The following KHDRBS2 variants were observed in gnomAD, a reference collection of about 807,000 sequenced individuals.
KHDRBS2 encodes KH domain-containing, RNA-binding, signal transduction-associated protein 2.
In KHDRBS2, 26 loss-of-function variants were observed where a neutral mutation model predicts 44.3. The ratio of observed to expected loss-of-function variants is 0.59; its 90% CI spans 0.43 to 0.81. KHDRBS2 has a LOEUF of 0.81. KHDRBS2 is among the 40% of genes least tolerant of loss of function. The pLI, the probability that KHDRBS2 is intolerant of heterozygous loss-of-function variation, is 0.00. For synonymous variants in KHDRBS2, 194 were observed against 151.1 expected, an observed-to-expected ratio of 1.28 and a Z score of -2.08; for missense variants, 476 against 433.1, an observed-to-expected ratio of 1.10 and a Z score of -0.88.
intron 6 of KHDRBS2, among the ~76,000 whole-genome samples, chr6:61,829,864 G>C (rs1307812153): frequency 2.0e-5 from 3 of 152,132 alleles, no homozygotes; most frequent in Non-Finnish European, 1.5e-5. Flanking sequence ...AACAAAAGGT[G>C]TCATGGCCAG....
At chr6:61,862,353 A>T (rs1797111383) in intron 6 of KHDRBS2, among the ~76,000 whole-genome samples, 1 of 152,030 alleles carries the variant, frequency 6.6e-6, no homozygotes, top group South Asian at 2.1e-4. Context: ...TTCCAATACT[A>T]TGTAGAATAG....
intron 2 of KHDRBS2, among the ~76,000 whole-genome samples, chr6:62,116,238 T>A (rs1806190148): frequency 6.6e-6 from 1 of 152,154 alleles, no homozygotes; most frequent in African/African-American, 2.4e-5. Context: ...AATTTTGAAA[T>A]ATAAAATACA....
chr6:61,566,324 A>G, the KHDRBS2 span, among the ~76,000 whole-genome samples: 2 of 152,190 alleles, frequency 1.3e-5, no homozygotes, highest in African/African-American at 2.4e-5. Context: ...AGTGTTCTGT[A>G]GCACAATAGG....
chr6:61,927,275 C>CA (rs1204595790), intron 4 of KHDRBS2, among the ~76,000 whole-genome samples: 5 of 151,694 alleles, frequency 3.3e-5, no homozygotes, highest in Non-Finnish European at 5.9e-5. Flanking sequence ...GATTTATTTT[C>CA]AAAAAACATA....
At chr6:61,547,502 T>A in the KHDRBS2 span, among the ~76,000 whole-genome samples, 1 of 152,162 alleles carries the variant, frequency 6.6e-6, no homozygotes, top group Non-Finnish European at 1.5e-5. Flanking sequence ...AATCACTTTA[T>A]ATACTAGTAC....
chr6:61,708,022 G>A (rs1304724350), intron 7 of KHDRBS2, among the ~76,000 whole-genome samples: 1 of 151,580 alleles, frequency 6.6e-6, no homozygotes, highest in African/African-American at 2.4e-5. Flanking sequence ...AGCATTTGGT[G>A]CACATATTTT....
chr6:61,963,752 C>T (rs1429948997), intron 4 of KHDRBS2, among the ~76,000 whole-genome samples: 1 of 152,046 alleles, frequency 6.6e-6, no homozygotes, highest in Non-Finnish European at 1.5e-5. Context: ...AGGGTTTCTC[C>T]TCATCCCTCA....
At chr6:61,945,155 A>ACACACACG (rs1813103852) in intron 4 of KHDRBS2, among the ~76,000 whole-genome samples, 1 of 131,384 alleles carries the variant, frequency 7.6e-6, no homozygotes, top group African/African-American at 2.8e-5. Context: ...ATATATACAC[A>ACACACACG]CAGACTTGTC....
At position 61,891,967 on chromosome 6, in the gene KHDRBS2, G is replaced by A. The variant is rs1304000049; in HGVS notation, c.810+2668C>T. On this transcript the variant is annotated intron_variant, in intron 6 of 8. Coordinates refer to ENST00000281156, the MANE Select transcript of KHDRBS2 (RefSeq NM_152688.4). ...GAAAAAAGGAAGTCAAATTGTCCCT[G>A]TTTGCAGATGACATGATTGTATATC... Among the ~76,000 whole-genome samples the A allele has an allele frequency of 1.3e-4, 20 of 152,270 alleles. 1 individual carries two copies. Among genetic ancestry groups the A allele is most frequent in the African/African-American group, 4.8e-4 (20 of 41,562 alleles).
chr6:61,661,005 G>T, the KHDRBS2 span, among the ~76,000 whole-genome samples: 2 of 151,692 alleles, frequency 1.3e-5, no homozygotes, highest in African/African-American at 4.8e-5. Context: ...TTGTAATACA[G>T]GAATTTATAA....
chr6:61,596,615 C>A, the KHDRBS2 span, among the ~76,000 whole-genome samples: 1 of 152,152 alleles, frequency 6.6e-6, no homozygotes, highest in South Asian at 2.1e-4. Context: ...GTTAACTAGG[C>A]AACCCTACAT....
chr6:61,601,417 A>G, the KHDRBS2 span, among the ~76,000 whole-genome samples: 17 of 152,088 alleles, frequency 1.1e-4, no homozygotes, highest in African/African-American at 3.9e-4. Context: ...AAATCTAAGC[A>G]TCTTATTTTC....
At chr6:61,562,338 A>ATC in the KHDRBS2 span, among the ~76,000 whole-genome samples, 1 of 152,110 alleles carries the variant, frequency 6.6e-6, no homozygotes, top group African/African-American at 2.4e-5. Context: ...CCAAGGGAAT[A>ATC]TCTCTGTTAT....
chr6:62,092,236 C>A lies in KHDRBS2; in HGVS notation c.220-44242G>T, dbSNP rs547670446. Among the ~76,000 whole-genome samples the A allele has an allele frequency of 9.9e-5, 15 of 152,168 alleles. No homozygotes were observed. The East Asian group carries it at 2.5e-3, about 25-fold the overall frequency. ...TGAATTTGGGGTTTGACGCCTGCAA[C>A]CCCACTGCATAACTCACCCAAATGG... On this transcript the variant is annotated intron_variant, in intron 2 of 8. Transcript: ENST00000281156.
intron 3 of KHDRBS2, among the ~76,000 whole-genome samples, chr6:62,017,577 T>C (rs930081134): frequency 2.6e-5 from 4 of 152,128 alleles, no homozygotes; most frequent in African/African-American, 9.7e-5. Flanking sequence ...GATGAGATGA[T>C]ACCTACTACT....
chr6:61,832,420 G>A (rs549081488), intron 6 of KHDRBS2, among the ~76,000 whole-genome samples: 2 of 152,186 alleles, frequency 1.3e-5, no homozygotes, highest in South Asian at 2.1e-4. Flanking sequence ...AAAGCTTCAA[G>A]TAACTTCAAA....
At chr6:61,854,946 T>C (rs1238327685) in intron 6 of KHDRBS2, among the ~76,000 whole-genome samples, 1 of 152,142 alleles carries the variant, frequency 6.6e-6, no homozygotes, top group Non-Finnish European at 1.5e-5. Context: ...TGGCTCCCCA[T>C]ATTAACTAAC....
intron 6 of KHDRBS2, among the ~76,000 whole-genome samples, chr6:61,738,955 C>T (rs951183471): frequency 3.3e-4 from 50 of 151,884 alleles, no homozygotes; most frequent in African/African-American, 1.2e-3. Flanking sequence ...TAAGTCCTAT[C>T]TTTAAGAAGT....
the KHDRBS2 span, among the ~76,000 whole-genome samples, chr6:61,658,187 AT>A: frequency 6.6e-6 from 1 of 151,930 alleles, no homozygotes; most frequent in East Asian, 2.0e-4. Context: ...ATTGATATTA[AT>A]ATAAATACTA....
Sources: gnomAD v4.1 joint callset for allele counts (sites outside exome capture counted in the v4.1 genomes callset) on GRCh38, gnomAD v4.1.1 for gene constraint, MANE v1.5 for transcripts, NCBI Gene and HGNC (gene_info 2026-07-23, HGNC 2026-07-21) for gene names.